Variants in PTPRR observed in about 807,000 individuals in gnomAD.
The protein encoded by PTPRR is receptor-type tyrosine-protein phosphatase R.
In PTPRR, 38 loss-of-function variants were observed where a neutral mutation model predicts 77.2. The ratio of observed to expected loss-of-function variants is 0.49; its 90% CI spans 0.38 to 0.65. PTPRR has a LOEUF of 0.65. PTPRR is among the 30% of genes least tolerant of loss of function. The probability of loss-of-function intolerance (pLI) is 0.00; values close to 1 mark genes in which losing one functional copy is unlikely to be tolerated. For synonymous variants in PTPRR, 299 were observed against 283.1 expected, an observed-to-expected ratio of 1.06 and a Z score of -0.57; for missense variants, 744 against 799.2, an observed-to-expected ratio of 0.93 and a Z score of 0.83.
At chr12:70,792,549 C>A (rs1376625171) in intron 2 of PTPRR, among the ~76,000 whole-genome samples, 1 of 151,938 alleles carries the variant, frequency 6.6e-6, no homozygotes, top group African/African-American at 2.4e-5. Flanking sequence ...TTGCAATTAG[C>A]TTATTTTAAA....
intron 2 of PTPRR, among the ~76,000 whole-genome samples, chr12:70,827,108 C>A (rs1040578551): frequency 7.2e-5 from 11 of 152,242 alleles, no homozygotes; most frequent in African/African-American, 2.4e-4. Flanking sequence ...CAGATACTTT[C>A]TTGGGCATGG....
At chr12:70,654,292 A>G (rs954361577) in intron 13 of PTPRR, among the ~76,000 whole-genome samples, 1 of 152,182 alleles carries the variant, frequency 6.6e-6, no homozygotes, top group Non-Finnish European at 1.5e-5. Flanking sequence ...AAAGGTAATT[A>G]TATGGCCTGG....
chr12:70,747,848 T>C (rs1890261948), intron 5 of PTPRR, among the ~76,000 whole-genome samples: 1 of 152,028 alleles, frequency 6.6e-6, no homozygotes. Context: ...TCTGAAAAAA[T>C]ATGGAAAAAA....
At chr12:70,882,948 A>G (rs1893173871) in intron 2 of PTPRR, among the ~76,000 whole-genome samples, 1 of 152,204 alleles carries the variant, frequency 6.6e-6, no homozygotes, top group Non-Finnish European at 1.5e-5. Flanking sequence ...ATACACCTCT[A>G]TGAAGTTGGT....
intron 13 of PTPRR, among the ~76,000 whole-genome samples, chr12:70,642,583 T>C (rs1886046399): frequency 1.3e-5 from 2 of 152,128 alleles, no homozygotes; most frequent in Admixed American, 1.3e-4. Flanking sequence ...TCCAACTAGG[T>C]TGTAGGTCCT....
chr12:70,899,337 T>C (rs1893490059), intron 1 of PTPRR, among the ~76,000 whole-genome samples: 1 of 151,170 alleles, frequency 6.6e-6, no homozygotes, highest in Admixed American at 6.6e-5. Flanking sequence ...TATTAGCAAA[T>C]TGAATGCAGA....
At chr12:70,731,533 A>G (rs1889662841) in intron 6 of PTPRR, among the ~76,000 whole-genome samples, 1 of 152,216 alleles carries the variant, frequency 6.6e-6, no homozygotes, top group South Asian at 2.1e-4. Context: ...GGTTCAGGAT[A>G]GAGTCTCTTA....
chr12:70,700,580 C>A (rs956806489), intron 7 of PTPRR, among the ~76,000 whole-genome samples: 1 of 152,104 alleles, frequency 6.6e-6, no homozygotes, highest in Non-Finnish European at 1.5e-5. Context: ...CTTGTAGATT[C>A]CTACAGATTC....
intron 6 of PTPRR, among the ~76,000 whole-genome samples, chr12:70,741,109 C>T (rs1297740745): frequency 6.6e-6 from 1 of 152,050 alleles, no homozygotes; most frequent in Non-Finnish European, 1.5e-5. Context: ...TGGGAGTTAA[C>T]CTGAGGTTAG....
intron 2 of PTPRR, among the ~76,000 whole-genome samples, chr12:70,882,212 GC>G (rs1323908841): frequency 4.6e-5 from 7 of 152,172 alleles, no homozygotes; most frequent in African/African-American, 1.7e-4. Flanking sequence ...AAATCTAGAA[GC>G]TTTGTCATTA....
At chr12:70,899,538 T>G (rs1421025228) in intron 1 of PTPRR, among the ~76,000 whole-genome samples, 1 of 151,182 alleles carries the variant, frequency 6.6e-6, no homozygotes, top group Non-Finnish European at 1.5e-5. Context: ...TAAGAAAAAA[T>G]TAAGTAACCT....
intron 2 of PTPRR, among the ~76,000 whole-genome samples, chr12:70,833,037 C>T (rs1009332408): frequency 6.6e-6 from 1 of 152,132 alleles, no homozygotes; most frequent in Non-Finnish European, 1.5e-5. Context: ...TTACCATGGG[C>T]AGGGCACCAA....
At chr12:70,750,945 G>A (rs1343895887) in intron 5 of PTPRR, among the ~76,000 whole-genome samples, 2 of 142,168 alleles carry the variant, frequency 1.4e-5, no homozygotes, top group African/African-American at 5.2e-5. Context: ...TCACTGTGTT[G>A]CTTAGGCTAG....
At chr12:70,666,173 G>A (rs914610108) in intron 10 of PTPRR, among the ~76,000 whole-genome samples, 1 of 152,002 alleles carries the variant, frequency 6.6e-6, no homozygotes, top group South Asian at 2.1e-4. Flanking sequence ...GAAGGCTCAG[G>A]TGTTTTGGTA....
At chr12:70,647,928 T>TAA (rs1886259521) in intron 13 of PTPRR, among the ~76,000 whole-genome samples, 1 of 152,192 alleles carries the variant, frequency 6.6e-6, no homozygotes, top group Admixed American at 6.5e-5. Flanking sequence ...TAATCAGAGA[T>TAA]AAACAATTTT....
chr12:70,732,973 C>T (rs1889715455), intron 6 of PTPRR, among the ~76,000 whole-genome samples: 1 of 151,938 alleles, frequency 6.6e-6, no homozygotes, highest in South Asian at 2.1e-4. Flanking sequence ...GGAACACGTA[C>T]AAGGTGGTAG....
At chr12:70,779,481 C>T (rs1256221371) in intron 2 of PTPRR, among the ~76,000 whole-genome samples, 1 of 152,178 alleles carries the variant, frequency 6.6e-6, no homozygotes, top group Non-Finnish European at 1.5e-5. Flanking sequence ...AACATCACTT[C>T]CTCAGAGAGG....
intron 5 of PTPRR, among the ~76,000 whole-genome samples, chr12:70,747,893 T>A (rs1014291929): frequency 2.0e-5 from 3 of 152,172 alleles, no homozygotes; most frequent in East Asian, 3.9e-4. Context: ...AGGGTAGTTG[T>A]CATGAAATTA....
rs185871106 is a variant in PTPRR, at chr12:70,908,367, G to A, written c.58+11966C>T. The stretch of plus-strand genomic sequence containing the variant: ...ACTGGGTAACTTATAAAGAAAAAGA[G>A]GTGTAATTGACTCACAGTTCCGCGT... On this transcript the variant is annotated intron_variant, in intron 1 of 13. Coordinates refer to ENST00000283228, the MANE Select transcript of PTPRR (RefSeq NM_002849.4). Among the ~76,000 whole-genome samples the A allele has an allele frequency of 2.3e-3, 349 of 152,232 alleles. 2 individuals are homozygous for A. The highest frequency in any genetic ancestry group is 4.2e-3 in the Non-Finnish European group (289 of 68,016).
Sources: allele counts gnomAD v4.1 joint callset (sites outside exome capture counted in the v4.1 genomes callset), GRCh38; gene constraint gnomAD v4.1.1; transcripts MANE v1.5; gene names NCBI Gene and HGNC (gene_info 2026-07-23, HGNC 2026-07-21).